Variants in GTPBP1 observed in about 807,000 individuals in gnomAD.
GTPBP1 encodes GTP-binding protein 1.
In GTPBP1, 23 loss-of-function variants were observed where a neutral mutation model predicts 62.0. That is an observed-to-expected ratio of 0.37 (90% confidence interval 0.27 to 0.53). GTPBP1 has a LOEUF of 0.53. Among genes scored for constraint, GTPBP1 ranks in the 20% least tolerant of loss-of-function variants. The pLI, the probability that GTPBP1 is intolerant of heterozygous loss-of-function variation, is 0.89. For missense variants in GTPBP1, 640 were observed against 917.3 expected (o/e 0.70, Z 3.90); for synonymous variants, 344 against 364.4 (o/e 0.94, Z 0.64).
chr22:38,716,120 A>G lies in GTPBP1; in HGVS notation c.485+33A>G, dbSNP rs1255526775. 2.0e-6 allele frequency: 3 copies of G among 1,530,032 alleles called. No homozygotes were observed. The highest frequency in any genetic ancestry group is 2.8e-5 in the African/African-American group (2 of 72,552). 94.8% of individuals were successfully genotyped at this position (1,530,032 alleles called of 1,614,324 possible). ...GGCCGCGGGACATTTTGGGGTCCCC[A>G]TTCTTCACAGAGGTTGGTGACTGAG... On this transcript the variant is annotated intron_variant, in intron 3 of 11. Transcript: ENST00000216044. This position sits in a 1 kb window ranked among gnomAD's most constrained non-coding sequence, Gnocchi z 5.2.
rs2092738694 is a variant in GTPBP1, at chr22:38,728,494, C to T, written c.1716+333C>T. The stretch of plus-strand genomic sequence containing the variant: ...CTCACTGGGACCATGTCTAAGGTCT[C>T]CTCTCAGAGCAGAGGTCTGGTTGGA... On this transcript the variant is annotated intron_variant, in intron 10 of 11. Transcript: ENST00000216044. 9.4e-6 allele frequency: 3 copies of T among 317,942 alleles called. No individual in the cohort carries two copies. In the South Asian group the frequency reaches 1.2e-4, roughly 13 times the overall value. The allele number at this position is 317,942 out of a possible 1,614,324, so 19.7% of individuals were successfully genotyped here. A position where few individuals can be genotyped will look rare whatever the true frequency, so the allele number is the denominator to read the frequency against.
intron 2 of GTPBP1, among the ~76,000 whole-genome samples, chr22:38,710,431 C>T (rs1006862985): frequency 1.3e-5 from 2 of 152,306 alleles, no homozygotes; most frequent in Middle Eastern, 3.4e-3. Flanking sequence ...GCTGTGCCTT[C>T]CTTTGAAATA....
At position 38,726,648 on chromosome 22, in the gene GTPBP1, CCTT is replaced by C. The variant is rs1041120109; in HGVS notation, c.1401+211_1401+213del. 6.6e-6 allele frequency among the ~76,000 whole-genome samples: 1 copy of C among 152,202 alleles called. No homozygotes were observed. Among genetic ancestry groups the C allele is most frequent in the African/African-American group, 2.4e-5 (1 of 41,456 alleles). On this transcript the variant is annotated intron_variant, in intron 8 of 11. Transcript: ENST00000216044. This position sits in a 1 kb window ranked among gnomAD's most constrained non-coding sequence, Gnocchi z 4.1. ...GTAAGTGCTAGAGCGAGGAATGCCTCCTTCTAAGCTCCGTTCCTCCCTCTGGTG... is the reference window on the plus strand; with the variant it reads ...GTAAGTGCTAGAGCGAGGAATGCCTCCTAAGCTCCGTTCCTCCCTCTGGTG...
chr22:38,742,677 A>G (rs913262793), downstream of GTPBP1: 78 of 1,330,682 alleles, frequency 5.9e-5, no homozygotes, highest in African/African-American at 9.7e-4. Flanking sequence ...GTTCCAGCAT[A>G]AGGCCATGCA....
intron 5 of GTPBP1, 91 bp from the exon 6 acceptor site, chr22:38,724,206 G>A: frequency 1.4e-6 from 1 of 739,828 alleles, no homozygotes; most frequent in Non-Finnish European, 2.5e-6. Context: ...TCTCCTGCTT[G>A]CATCAGTAAT....
chr22:38,717,918 C>T (rs1280674877), intron 4 of GTPBP1, among the ~76,000 whole-genome samples: 2 of 152,170 alleles, frequency 1.3e-5, no homozygotes, highest in East Asian at 1.9e-4. Flanking sequence ...TTCCCAAAAC[C>T]CTTCCCCATT....
At position 38,727,837 on chromosome 22, in the gene GTPBP1, C is replaced by CAGGCTTCACGGGGGTCTGTAG; in HGVS notation, c.1538-145_1538-125dup. 1 of 621,310 alleles carries CAGGCTTCACGGGGGTCTGTAG rather than the reference C, an allele frequency of 1.6e-6. No homozygotes were observed. The highest frequency in any genetic ancestry group is 2.9e-6 in the Non-Finnish European group (1 of 348,748). The allele number at this position is 621,310 out of a possible 1,614,324, so 38.5% of individuals were successfully genotyped here. On this transcript the variant is annotated intron_variant, in intron 9 of 11. Coordinates refer to ENST00000216044, the MANE Select transcript of GTPBP1 (RefSeq NM_004286.5). The surrounding 1 kb of genome is among the most constrained non-coding windows in gnomAD (Gnocchi z 6.5). ...GGTAAGGCAGGATCAGAGCCAAGAA[C>CAGGCTTCACGGGGGTCTGTAG]AGGCTTCACGGGGGTCTGTAGCCCC... is the stretch of plus-strand genomic sequence containing the variant.
intron 4 of GTPBP1, among the ~76,000 whole-genome samples, chr22:38,719,493 C>T (rs988446445): frequency 1.1e-4 from 16 of 151,926 alleles, no homozygotes; most frequent in African/African-American, 3.1e-4. Context: ...TTTTTAGAGA[C>T]GAGATCTTGC....
intron 5 of GTPBP1, chr22:38,723,449 G>A: frequency 9.3e-7 from 1 of 1,076,112 alleles, no homozygotes; most frequent in Non-Finnish European, 1.4e-6. Context: ...CCAAGGAATG[G>A]CACTCACATG....
rs778679289 is a variant in GTPBP1 at position 38,726,065 on chromosome 22, T to A, written c.1133T>A (p.Met378Lys). The change falls in exon 7 of 12, where the codon ATG (methionine) becomes AAG (lysine). Residue 378 changes from methionine (M) to lysine (K), a missense_variant. Around this residue, in one of 4 missense-constraint regions of GTPBP1, gnomAD observed 220 missense variants for 358.1 expected, o/e 0.61. Transcript: ENST00000216044. This position sits in a 1 kb window ranked among gnomAD's most constrained non-coding sequence, Gnocchi z 4.1. ...GGCGAGAACCTAGATCTGCTGAAGATGTTCCTCAACCTCCTCTCCCCCCGC... is the reference window on the plus strand; with the variant it reads ...GGCGAGAACCTAGATCTGCTGAAGAAGTTCCTCAACCTCCTCTCCCCCCGC... ...VTGENLDLLK[M>K]FLNLLSPRTS... 6 of 1,614,040 alleles carry A rather than the reference T, an allele frequency of 3.7e-6. No individual in the cohort carries two copies. Among genetic ancestry groups the A allele is most frequent in the Non-Finnish European group, 3.4e-6 (4 of 1,179,926 alleles).
At chr22:38,708,589 C>T (rs2092619911) in intron 1 of GTPBP1, among the ~76,000 whole-genome samples, 1 of 152,192 alleles carries the variant, frequency 6.6e-6, no homozygotes, top group Non-Finnish European at 1.5e-5. Flanking sequence ...CAGCAGGAGG[C>T]AGGCTGCTTG....
chr22:38,740,565 A>C, downstream of GTPBP1: 3 of 978,270 alleles, frequency 3.1e-6, no homozygotes, highest in Non-Finnish European at 4.3e-6. This position sits in a 1 kb window ranked among gnomAD's most constrained non-coding sequence, Gnocchi z 4.8. Flanking sequence ...TGAACCTGAG[A>C]AGGGGCAAGG....
At position 38,728,243 on chromosome 22, in the gene GTPBP1, G is replaced by A. The variant is rs923424771; in HGVS notation, c.1716+82G>A. 3.1e-6 allele frequency: 3 copies of A among 974,670 alleles called. No homozygotes were observed. The African/African-American group carries it at 4.8e-5, about 16-fold the overall frequency. The allele number at this position is 974,670 out of a possible 1,614,324, so 60.4% of individuals were successfully genotyped here. A position where few individuals can be genotyped will look rare whatever the true frequency, so the allele number is the denominator to read the frequency against. On this transcript the variant is annotated intron_variant, in intron 10 of 11. Coordinates refer to ENST00000216044, the MANE Select transcript of GTPBP1 (RefSeq NM_004286.5). ...CTGTGACCCTGAGTGCAGGGCAGAGGTTTAGTCACTGCCATGGGAGAGCTG... is the reference window on the plus strand; with the variant it reads ...CTGTGACCCTGAGTGCAGGGCAGAGATTTAGTCACTGCCATGGGAGAGCTG...
chr22:38,716,844 C>G lies in GTPBP1; in HGVS notation c.678C>G (p.Asn226Lys). ...TTGACAGTGAAGGCAATGTAGTGAA[C>G]AAGCCTGACAGCCACGGCGGCAGCC... ...LGFDSEGNVVNKPDSHGGSLE... is the reference protein window; with the variant it reads ...LGFDSEGNVVKKPDSHGGSLE... Residue 226 changes from asparagine (N) to lysine (K), a missense_variant, in exon 4 of 12, where the codon AAC becomes AAG. Physicochemically the swap from Asn to Lys is moderately conservative, Grantham distance 94. Around this residue, in one of 4 missense-constraint regions of GTPBP1, gnomAD observed 88 missense variants for 217.0 expected, o/e 0.41. Transcript: ENST00000216044. This position sits in a 1 kb window ranked among gnomAD's most constrained non-coding sequence, Gnocchi z 5.2. 1 of 1,614,138 alleles carries G rather than the reference C, an allele frequency of 6.2e-7. No individual in the cohort carries two copies. The highest frequency in any genetic ancestry group is 8.5e-7 in the Non-Finnish European group (1 of 1,179,968).
Position 38,706,043 on chromosome 22 carries a change from AG to A in GTPBP1, c.91del (p.Ala31ProfsTer37). ...APEPSSPGAARAAAAAARLHG... is the reference protein window; with the variant it reads ...APEPSSPGAAXAAAAAARLHG... ...CGAGCCCAGCTCCCCGGGGGCGGCCAGGGCCGCGGCGGCCGCCGCCCGACTC... is the reference window on the plus strand; with the variant it reads ...CGAGCCCAGCTCCCCGGGGGCGGCCAGGCCGCGGCGGCCGCCGCCCGACTC... On this transcript the variant is annotated frameshift_variant, in exon 1 of 12. Coordinates refer to ENST00000216044, the MANE Select transcript of GTPBP1 (RefSeq NM_004286.5). LOFTEE classifies it high-confidence loss of function. The A allele has an allele frequency of 7.5e-7, 1 of 1,335,666 alleles. No individual in the cohort carries two copies. The highest frequency in any genetic ancestry group is 1.6e-5 in the South Asian group (1 of 64,398). The allele number at this position is 1,335,666 out of a possible 1,614,324, so 82.7% of individuals were successfully genotyped here.
At chr22:38,711,422 T>C (rs2092638793) in intron 2 of GTPBP1, among the ~76,000 whole-genome samples, 1 of 152,204 alleles carries the variant, frequency 6.6e-6, no homozygotes, top group African/African-American at 2.4e-5. Flanking sequence ...TCTCCCATGG[T>C]GTAGTAGTGA....
intron 2 of GTPBP1, among the ~76,000 whole-genome samples, chr22:38,714,585 C>T (rs908817729): frequency 3.3e-5 from 5 of 151,586 alleles, no homozygotes; most frequent in African/African-American, 9.7e-5. Flanking sequence ...ACAGTCAACA[C>T]GCGTTGATGA....
At position 38,732,467 on chromosome 22, in the gene GTPBP1, C is replaced by T. The variant is rs1298831485; in HGVS notation, c.*1763C>T. The T allele has an allele frequency of 6.6e-6, 1 of 152,232 alleles. No individual in the cohort carries two copies. The highest frequency in any genetic ancestry group is 1.5e-5 in the Non-Finnish European group (1 of 68,054). 9.4% of individuals were successfully genotyped at this position (152,232 alleles called of 1,614,324 possible). A position where few individuals can be genotyped will look rare whatever the true frequency, so the allele number is the denominator to read the frequency against. ...CTCTGAACCTCAGTTTTCTCATTTA[C>T]AAGAGGCAAAGCCATCCATCACCTT... On this transcript the variant is annotated 3_prime_UTR_variant, in exon 12 of 12. Coordinates refer to ENST00000216044, the MANE Select transcript of GTPBP1 (RefSeq NM_004286.5).
chr22:38,719,097 T>C (rs1043245145), intron 4 of GTPBP1, among the ~76,000 whole-genome samples: 1 of 152,096 alleles, frequency 6.6e-6, no homozygotes, highest in African/African-American at 2.4e-5. Flanking sequence ...CCTCCGCCTC[T>C]TGGGTTCAAA....
Sources: allele counts gnomAD v4.1 joint callset (sites outside exome capture counted in the v4.1 genomes callset), GRCh38; gene constraint gnomAD v4.1.1; regional missense constraint gnomAD v4.1.1; non-coding constraint Gnocchi (gnomAD v3.1); transcripts MANE v1.5; gene names NCBI Gene and HGNC (gene_info 2026-07-23, HGNC 2026-07-21).